Variants in EXOC4 observed in about 807,000 individuals in gnomAD.
The protein encoded by EXOC4 is exocyst complex component 4.
A neutral mutation model predicts 107.2 loss-of-function variants in EXOC4; 71 were observed. The ratio of observed to expected loss-of-function variants is 0.66; its 90% CI spans 0.55 to 0.81. EXOC4 has a LOEUF of 0.81. EXOC4 is among the 30% of genes least tolerant of loss of function. The probability of loss-of-function intolerance (pLI) is 0.00; values close to 1 mark genes in which losing one functional copy is unlikely to be tolerated. For synonymous variants in EXOC4, 456 were observed against 441.2 expected (o/e 1.03, Z -0.42); for missense variants, 1,108 against 1,189.6 (o/e 0.93, Z 1.01).
At chr7:133,905,376 T>C (rs1799542932) in intron 12 of EXOC4, among the ~76,000 whole-genome samples, 1 of 152,132 alleles carries the variant, frequency 6.6e-6, no homozygotes, top group South Asian at 2.1e-4. Context: ...GGGCTAGAAG[T>C]CTTTTCCCTA....
intron 4 of EXOC4, among the ~76,000 whole-genome samples, chr7:133,316,066 TA>T (rs1794984069): frequency 1.3e-5 from 2 of 152,294 alleles, no homozygotes; most frequent in African/African-American, 4.8e-5. Flanking sequence ...TTTCACTCTT[TA>T]ACACAGTGTG....
intron 14 of EXOC4, among the ~76,000 whole-genome samples, chr7:133,990,151 C>T (rs909315883): frequency 1.3e-5 from 2 of 152,000 alleles, no homozygotes; most frequent in African/African-American, 4.8e-5. Flanking sequence ...AATTCTCTTC[C>T]ATCTATTGTG....
At chr7:133,447,324 GA>G (rs1333088366) in intron 7 of EXOC4, 3 of 152,062 alleles carry the variant, frequency 2.0e-5, no homozygotes, top group Non-Finnish European at 2.9e-5. Context: ...TTACATATGA[GA>G]AATGAACATT....
the EXOC4 span, among the ~76,000 whole-genome samples, chr7:134,078,528 T>G: frequency 6.6e-6 from 1 of 152,074 alleles, no homozygotes; most frequent in African/African-American, 2.4e-5. Context: ...CAGTAAGTGT[T>G]TACCCTCTAA....
At chr7:133,253,629 G>C (rs1794945022) in intron 1 of EXOC4, 6 of 526,232 alleles carry the variant, frequency 1.1e-5, no homozygotes, top group Non-Finnish European at 1.5e-5. Context: ...TTGCAGATTT[G>C]TGTTTTCACA....
chr7:134,006,312 C>T (rs1391623789), intron 16 of EXOC4, among the ~76,000 whole-genome samples: 1 of 152,038 alleles, frequency 6.6e-6, no homozygotes, highest in Non-Finnish European at 1.5e-5. Context: ...AACAAACAAA[C>T]AAACAAAAAC....
chr7:133,409,231 TAGAA>T (rs944516638), intron 7 of EXOC4, among the ~76,000 whole-genome samples: 1 of 152,194 alleles, frequency 6.6e-6, no homozygotes, highest in African/African-American at 2.4e-5. Context: ...TGTTTTCCGT[TAGAA>T]AGCTACCATT....
chr7:133,475,713 G>A (rs1798995375), intron 8 of EXOC4, among the ~76,000 whole-genome samples: 1 of 152,116 alleles, frequency 6.6e-6, no homozygotes, highest in Admixed American at 6.6e-5. Flanking sequence ...TGTTTCAGGG[G>A]AGTTTTATTT....
intron 11 of EXOC4, among the ~76,000 whole-genome samples, chr7:133,878,365 C>T (rs1296729122): frequency 1.3e-5 from 2 of 152,204 alleles, no homozygotes; most frequent in Non-Finnish European, 2.9e-5. Context: ...TGAACGGAAC[C>T]AGCCAGCCAT....
intron 5 of EXOC4, among the ~76,000 whole-genome samples, chr7:133,331,509 G>T (rs1419026444): frequency 4.2e-5 from 6 of 141,670 alleles, no homozygotes; most frequent in Non-Finnish European, 6.0e-5. Context: ...CTGTCGCCCA[G>T]GCTGGAGTGC....
chr7:133,603,004 C>A (rs937613612), intron 9 of EXOC4, among the ~76,000 whole-genome samples: 7 of 151,842 alleles, frequency 4.6e-5, no homozygotes, highest in Non-Finnish European at 7.4e-5. Flanking sequence ...TCTACTACTA[C>A]CCCAGTTAAT....
At chr7:133,395,117 T>C (rs1258205139) in intron 7 of EXOC4, among the ~76,000 whole-genome samples, 5 of 151,800 alleles carry the variant, frequency 3.3e-5, no homozygotes, top group Admixed American at 3.3e-4. Context: ...GCCTTTTTTT[T>C]TTTTTTTTTA....
intron 10 of EXOC4, among the ~76,000 whole-genome samples, chr7:133,752,316 G>C (rs1795811382): frequency 1.3e-5 from 2 of 152,170 alleles, no homozygotes; most frequent in South Asian, 4.1e-4. Context: ...AGCGAAAAAA[G>C]CATGGGTGCA....
intron 10 of EXOC4, among the ~76,000 whole-genome samples, chr7:133,749,101 C>T (rs943554904): frequency 1.3e-5 from 2 of 152,316 alleles, no homozygotes; most frequent in East Asian, 3.9e-4. Context: ...GAGATAAATA[C>T]TTTTGTGCTT....
At chr7:134,054,332 C>A (rs1795872353) in intron 17 of EXOC4, among the ~76,000 whole-genome samples, 1 of 152,174 alleles carries the variant, frequency 6.6e-6, no homozygotes, top group African/African-American at 2.4e-5. Context: ...CATTCACCCA[C>A]CTGTTCTAAG....
chr7:134,076,352 C>T, the EXOC4 span, among the ~76,000 whole-genome samples: 14 of 152,228 alleles, frequency 9.2e-5, no homozygotes, highest in African/African-American at 3.1e-4. Flanking sequence ...CCCGTCTCTA[C>T]TAAAAATACA....
chr7:133,475,535 C>A, intron 8 of EXOC4, 62 bp downstream of exon 8: 1 of 1,439,988 alleles, frequency 6.9e-7, no homozygotes, highest in Non-Finnish European at 9.7e-7. Context: ...AGATGACTTC[C>A]TACTTTATTA....
At chr7:133,957,084 G>A (rs977847610) in intron 14 of EXOC4, among the ~76,000 whole-genome samples, 4 of 151,954 alleles carry the variant, frequency 2.6e-5, no homozygotes, top group East Asian at 1.9e-4. Context: ...CAAAATGATC[G>A]TTATATTCAT....
intron 1 of EXOC4, among the ~76,000 whole-genome samples, chr7:133,254,586 A>T (rs1487514676): frequency 6.6e-6 from 1 of 152,228 alleles, no homozygotes; most frequent in Admixed American, 6.5e-5. Context: ...ATTTAGTGCC[A>T]GTTGACAGTA....
Sources: gnomAD v4.1 joint callset for allele counts (sites outside exome capture counted in the v4.1 genomes callset) on GRCh38, gnomAD v4.1.1 for gene constraint, MANE v1.5 for transcripts, NCBI Gene and HGNC (gene_info 2026-07-23, HGNC 2026-07-21) for gene names.